DAB1: variants seen among roughly 807,000 people sequenced by gnomAD.
DAB1 encodes DAB adaptor protein 1.
In DAB1, 15 loss-of-function variants were observed where a neutral mutation model predicts 64.6. The observed-to-expected ratio is 0.23, with a 90% CI of 0.16 to 0.36. The LOEUF (loss-of-function observed/expected upper bound fraction) is 0.36. Among genes scored for constraint, DAB1 ranks in the 10% least tolerant of loss-of-function variants. DAB1 has a pLI of 1.00. For missense variants in DAB1, 596 were observed against 706.7 expected (o/e 0.84, Z 1.78); for synonymous variants, 235 against 251.9 (o/e 0.93, Z 0.64).
At chr1:58,481,135 A>T (rs748163805) in intron 3 of DAB1, 1 of 866,354 alleles carries the variant, frequency 1.2e-6, no homozygotes, top group Non-Finnish European at 2.0e-6. Flanking sequence ...TCTGGATTAG[A>T]CAGTGGTGGA....
chr1:57,578,281 T>A (rs986265752), intron 7 of DAB1, among the ~76,000 whole-genome samples: 5 of 152,210 alleles, frequency 3.3e-5, no homozygotes, highest in African/African-American at 1.2e-4. Flanking sequence ...GCATGAAGCA[T>A]GTCCACTGTG....
At chr1:57,962,700 A>AT (rs202107836) in intron 5 of DAB1, among the ~76,000 whole-genome samples, 6,025 of 148,102 alleles carry the variant, frequency 0.041, 435 homozygotes, top group African/African-American at 0.14. Flanking sequence ...AATCTCTACA[A>AT]TTTTTTTTTT....
chr1:57,107,403 C>G (rs1655270232), intron 4 of DAB1, among the ~76,000 whole-genome samples: 1 of 149,944 alleles, frequency 6.7e-6, no homozygotes, highest in African/African-American at 2.5e-5. Flanking sequence ...AAAAATCAAC[C>G]CATCAAGCAT....
At chr1:57,070,166 A>C (rs1237975826) in intron 7 of DAB1, among the ~76,000 whole-genome samples, 1 of 152,202 alleles carries the variant, frequency 6.6e-6, no homozygotes, top group Non-Finnish European at 1.5e-5. Context: ...TCATTGTAGC[A>C]GTACCAGATT....
intron 7 of DAB1, among the ~76,000 whole-genome samples, chr1:57,612,013 T>C (rs1645732527): frequency 6.6e-6 from 1 of 152,126 alleles, no homozygotes; most frequent in Admixed American, 6.5e-5. Flanking sequence ...ATTCTGTGCA[T>C]TGCTGTTCCT....
At chr1:57,420,092 T>C (rs759892506) in intron 1 of DAB1, among the ~76,000 whole-genome samples, 2 of 152,214 alleles carry the variant, frequency 1.3e-5, no homozygotes, top group Non-Finnish European at 2.9e-5. Context: ...GAGTCACAAG[T>C]GTTCAAAGTG....
chr1:57,916,547 G>C (rs1191004636), intron 5 of DAB1, among the ~76,000 whole-genome samples: 1 of 152,146 alleles, frequency 6.6e-6, no homozygotes, highest in African/African-American at 2.4e-5. Flanking sequence ...ACTATTCTTA[G>C]AGCTTTATAA....
At chr1:58,413,351 C>G (rs1362284838) in intron 3 of DAB1, among the ~76,000 whole-genome samples, 3 of 152,204 alleles carry the variant, frequency 2.0e-5, no homozygotes, top group Non-Finnish European at 4.4e-5. Flanking sequence ...AAAAACAACT[C>G]TATGAGGTAT....
chr1:57,132,737 A>G (rs1173602668), intron 4 of DAB1, among the ~76,000 whole-genome samples: 3 of 152,172 alleles, frequency 2.0e-5, no homozygotes, highest in African/African-American at 7.2e-5. Flanking sequence ...TATGGGTTAT[A>G]CTGTCAACAT....
At chr1:57,703,379 T>C (rs140004361) in intron 6 of DAB1, among the ~76,000 whole-genome samples, 221 of 152,230 alleles carry the variant, frequency 1.5e-3, no homozygotes, top group African/African-American at 5.1e-3. Context: ...TCAAAGGACA[T>C]GAATGGACAC....
At chr1:57,490,665 T>C (rs1558429838) in intron 7 of DAB1, among the ~76,000 whole-genome samples, 1 of 152,152 alleles carries the variant, frequency 6.6e-6, no homozygotes, top group Non-Finnish European at 1.5e-5. Flanking sequence ...ACTCACAAAG[T>C]TTCTGATAGA....
chr1:57,745,346 C>T (rs72914427), intron 6 of DAB1, among the ~76,000 whole-genome samples: 21,427 of 152,084 alleles, frequency 0.14, 1,973 homozygotes, highest in African/African-American at 0.27. Flanking sequence ...AGTTTAAATA[C>T]ACAAAAGTGA....
intron 6 of DAB1, among the ~76,000 whole-genome samples, chr1:57,759,069 G>T (rs534298483): frequency 6.6e-6 from 1 of 151,884 alleles, no homozygotes; most frequent in South Asian, 2.1e-4. Context: ...CATCTCCGGA[G>T]GTGGAAGAAA....
At chr1:57,386,783 TTC>T (rs1221605960) in intron 1 of DAB1, 1 of 151,962 alleles carries the variant, frequency 6.6e-6, no homozygotes, top group African/African-American at 2.4e-5. Flanking sequence ...GAACATGCTC[TTC>T]ACACCAGATT....
At chr1:57,785,755 A>G (rs918914794) in intron 6 of DAB1, among the ~76,000 whole-genome samples, 1 of 152,132 alleles carries the variant, frequency 6.6e-6, no homozygotes, top group East Asian at 1.9e-4. Flanking sequence ...GGTGAAATAT[A>G]CTCCTGGTGA....
chr1:57,354,522 G>C (rs1678900698), intron 1 of DAB1, among the ~76,000 whole-genome samples: 1 of 152,134 alleles, frequency 6.6e-6, no homozygotes, highest in Admixed American at 6.5e-5. Flanking sequence ...ATCAGTTGCT[G>C]TTGGGTTGAG....
chr1:57,541,422 C>G (rs547260596), intron 7 of DAB1, among the ~76,000 whole-genome samples: 1 of 152,156 alleles, frequency 6.6e-6, no homozygotes, highest in South Asian at 2.1e-4. Context: ...AGCCACCGCA[C>G]CCAGCCAATA....
intron 6 of DAB1, among the ~76,000 whole-genome samples, chr1:57,702,581 C>T (rs570644622): frequency 2.6e-5 from 4 of 152,196 alleles, no homozygotes; most frequent in East Asian, 3.9e-4. Flanking sequence ...TTACTTTCTC[C>T]GTTATGCTAC....
Position 57,339,779 on chromosome 1 carries a change from T to C in DAB1, c.-136-48613A>G, listed in dbSNP as rs185135269. 2.8e-4 allele frequency among the ~76,000 whole-genome samples: 43 copies of C among 152,364 alleles called. 1 individual carries two copies. In the East Asian group the frequency reaches 8.3e-3, roughly 29 times the overall value. ...CGGGTTGAATTTAAAAATTAATATA[T>C]GGTCCCATGTAGTTGCCTTCACAAT... On this transcript the variant is annotated intron_variant, in intron 1 of 14. Transcript: ENST00000371236.
Sources: allele counts gnomAD v4.1 joint callset (sites outside exome capture counted in the v4.1 genomes callset), GRCh38; gene constraint gnomAD v4.1.1; transcripts MANE v1.5; gene names NCBI Gene and HGNC (gene_info 2026-07-23, HGNC 2026-07-21).